The following PTPN11 variants were observed in gnomAD, a reference collection of about 807,000 sequenced individuals.
PTPN11 encodes tyrosine-protein phosphatase non-receptor type 11.
Under a neutral mutation model 78.8 loss-of-function variants are expected in PTPN11, and 6 were observed. The ratio of observed to expected loss-of-function variants is 0.08; its 90% CI spans 0.04 to 0.15. PTPN11 has a LOEUF of 0.15. PTPN11 is among the 10% of genes least tolerant of loss of function. The pLI is 1.00. For synonymous variants in PTPN11, 221 were observed against 263.5 expected, an observed-to-expected ratio of 0.84 and a Z score of 1.56; for missense variants, 386 against 744.8, an observed-to-expected ratio of 0.52 and a Z score of 5.61.
rs730880995 is a variant in PTPN11, at chr12:112,477,710, A to G, written c.913A>G (p.Ile305Val). ...TCCCAATGAGCCTGTTTCAGATTAC[A>G]TCAATGCAAATATCATCATGGTAAG... Reference protein sequence around the residue: ...GDPNEPVSDYINANIIMPEFE... With the variant: ...GDPNEPVSDYVNANIIMPEFE... The change falls in exon 8 of 16, where the codon ATC (isoleucine) becomes GTC (valine). Residue 305 changes from isoleucine to valine, a missense_variant. This residue lies in a region of PTPN11 where 279 missense variants were observed against 503.3 expected (regional missense o/e 0.55). Coordinates refer to ENST00000351677, the MANE Select transcript of PTPN11 (RefSeq NM_002834.5). The G allele has an allele frequency of 6.2e-7, 1 of 1,612,768 alleles. No homozygotes were observed. Among genetic ancestry groups the G allele is most frequent in the Non-Finnish European group, 8.5e-7 (1 of 1,178,812 alleles).
chr12:112,490,604 G>A (rs2038733958), intron 13 of PTPN11, among the ~76,000 whole-genome samples: 2 of 151,974 alleles, frequency 1.3e-5, no homozygotes, highest in East Asian at 1.9e-4. Flanking sequence ...CTCCATGCCC[G>A]GCTAATTTTT....
intron 1 of PTPN11, among the ~76,000 whole-genome samples, chr12:112,439,491 C>A (rs998598030): frequency 6.6e-6 from 1 of 151,854 alleles, no homozygotes; most frequent in Non-Finnish European, 1.5e-5. Flanking sequence ...TTATTTGAGA[C>A]GGAGTCTCGC....
intron 9 of PTPN11, among the ~76,000 whole-genome samples, chr12:112,481,252 T>A (rs534915059): frequency 1.3e-5 from 2 of 152,204 alleles, no homozygotes; most frequent in Non-Finnish European, 2.9e-5. Context: ...CCTAGCCTCC[T>A]CCAGAATCTG....
At chr12:112,472,646 A>G (rs745573380) in intron 6 of PTPN11, among the ~76,000 whole-genome samples, 20 of 151,368 alleles carry the variant, frequency 1.3e-4, no homozygotes, top group Non-Finnish European at 2.8e-4. Flanking sequence ...AGCTGGGATT[A>G]CAGGTGCCCA....
chr12:112,426,862 C>G (rs764175429), intron 1 of PTPN11, among the ~76,000 whole-genome samples: 1 of 152,068 alleles, frequency 6.6e-6, no homozygotes, highest in Non-Finnish European at 1.5e-5. Context: ...GTCTTGAACT[C>G]TGGGGCTCAA....
At chr12:112,428,396 C>CTTTTTTTTTT (rs11312766) in intron 1 of PTPN11, among the ~76,000 whole-genome samples, 1 of 84,464 alleles carries the variant, frequency 1.2e-5, no homozygotes, top group African/African-American at 4.3e-5. Context: ...TGTGTGTTGT[C>CTTTTTTTTTT]TTTTTTTTTT....
At chr12:112,471,972 G>GT in intron 6 of PTPN11, among the ~76,000 whole-genome samples, 1 of 151,394 alleles carries the variant, frequency 6.6e-6, no homozygotes, top group East Asian at 1.9e-4. Context: ...AGGCTGGTTT[G>GT]TTGGCCATGT....
Position 112,507,579 on chromosome 12 carries a change from A to G in PTPN11, c.*1787A>G, listed in dbSNP as rs888131730. The G allele has an allele frequency of 6.5e-6, 1 of 152,786 alleles. No homozygotes were observed. Among genetic ancestry groups the G allele is most frequent in the Admixed American group, 6.5e-5 (1 of 15,284 alleles). 9.5% of individuals were successfully genotyped at this position (152,786 alleles called of 1,614,324 possible). On this transcript the variant is annotated 3_prime_UTR_variant, in exon 16 of 16. Transcript: ENST00000351677. ...CCAAAGACATCCCTCTTTGCCTCAT[A>G]TGTTGAATCATCCAGTGCGGATATT...
At chr12:112,447,619 C>T (rs1302350285) in intron 2 of PTPN11, among the ~76,000 whole-genome samples, 1 of 151,916 alleles carries the variant, frequency 6.6e-6, no homozygotes, top group Non-Finnish European at 1.5e-5. Flanking sequence ...CCTGTCTCAG[C>T]CTCCGGAGTG....
At chr12:112,488,667 T>C (rs2038709364) in intron 12 of PTPN11, among the ~76,000 whole-genome samples, 157 bp downstream of exon 12, 1 of 152,220 alleles carries the variant, frequency 6.6e-6, no homozygotes, top group South Asian at 2.1e-4. Flanking sequence ...AGAACAGAAG[T>C]GACACTATTT....
At chr12:112,442,902 A>G (rs201601544) in intron 1 of PTPN11, among the ~76,000 whole-genome samples, 2 of 124,122 alleles carry the variant, frequency 1.6e-5, no homozygotes, top group Non-Finnish European at 3.4e-5. Context: ...CTACACATAT[A>G]TGTATGTATA....
intron 1 of PTPN11, among the ~76,000 whole-genome samples, chr12:112,434,805 G>T (rs2037765127): frequency 6.6e-6 from 1 of 151,644 alleles, no homozygotes; most frequent in Admixed American, 6.6e-5. Context: ...TGTTTTTTTT[G>T]AGACAGAGTC....
At chr12:112,424,956 T>TTGTGTGTGTG (rs34463047) in intron 1 of PTPN11, among the ~76,000 whole-genome samples, 99 of 89,046 alleles carry the variant, frequency 1.1e-3, no homozygotes, top group Admixed American at 1.5e-3. Context: ...GTCAGGCTAA[T>TTGTGTGTGTG]TGTGTGTGTG....
intron 1 of PTPN11, among the ~76,000 whole-genome samples, chr12:112,433,511 A>G (rs2037744061): frequency 6.6e-6 from 1 of 152,256 alleles, no homozygotes; most frequent in East Asian, 1.9e-4. Flanking sequence ...ATTTATTTGT[A>G]AAAGTATGTA....
chr12:112,454,287 T>G (rs947411884), intron 4 of PTPN11, among the ~76,000 whole-genome samples: 3 of 152,114 alleles, frequency 2.0e-5, no homozygotes, highest in African/African-American at 7.2e-5. Context: ...GCCTGGCTAA[T>G]TTTTGTATTT....
At chr12:112,446,230 G>C in intron 1 of PTPN11, 46 bp from the exon 2 acceptor site, 1 of 1,610,728 alleles carries the variant, frequency 6.2e-7, no homozygotes, top group Non-Finnish European at 8.5e-7. Context: ...AAGTAGTGCT[G>C]ACAGTGTCTT....
At chr12:112,494,891 A>G (rs756467775) in intron 13 of PTPN11, among the ~76,000 whole-genome samples, 4 of 152,122 alleles carry the variant, frequency 2.6e-5, no homozygotes, top group Non-Finnish European at 5.9e-5. Flanking sequence ...CTTTATTTTA[A>G]AATAGGGATT....
chr12:112,472,583 G>A (rs899342405), intron 6 of PTPN11, among the ~76,000 whole-genome samples: 88 of 151,578 alleles, frequency 5.8e-4, no homozygotes, highest in Non-Finnish European at 1.2e-3. Flanking sequence ...GCCCAGGCTG[G>A]AGTGCAGTGG....
Position 112,471,454 on chromosome 12 carries a change from A to AAGAGAGAGAGAGAGAG in PTPN11, c.757-1468_757-1453dup, listed in dbSNP as rs56070053. 3.3e-3 allele frequency among the ~76,000 whole-genome samples: 415 copies of AAGAGAGAGAGAGAGAG among 126,298 alleles called. 1 individual carries two copies. Among genetic ancestry groups the AAGAGAGAGAGAGAGAG allele is most frequent in the Non-Finnish European group, 4.7e-3 (280 of 60,124 alleles). The allele number at this position is 126,298 out of a possible 152,430, so 82.9% of individuals were successfully genotyped here. A position where few individuals can be genotyped will look rare whatever the true frequency, so the allele number is the denominator to read the frequency against. ...GTGGCTCCATCATATGATAAACAGA[A>AAGAGAGAGAGAGAGAG]AGAGAGAGAGAGAGAGAGAGAGAGA... is the stretch of plus-strand genomic sequence containing the variant. On this transcript the variant is annotated intron_variant, in intron 6 of 15. Coordinates refer to ENST00000351677, the MANE Select transcript of PTPN11 (RefSeq NM_002834.5).
Sources: gnomAD v4.1 joint callset for allele counts (sites outside exome capture counted in the v4.1 genomes callset) on GRCh38, gnomAD v4.1.1 for gene constraint, gnomAD v4.1.1 regional missense constraint, MANE v1.5 for transcripts, NCBI Gene and HGNC (gene_info 2026-07-23, HGNC 2026-07-21) for gene names.